LMO1: variants seen among roughly 807,000 people sequenced by gnomAD.
LMO1 encodes rhombotin-1.
A neutral mutation model predicts 18.0 loss-of-function variants in LMO1; 10 were observed. The observed-to-expected ratio is 0.55, with a 90% CI of 0.34 to 0.94. The LOEUF (loss-of-function observed/expected upper bound fraction) is 0.94. Ranked by LOEUF, LMO1 falls within the 40% of genes least tolerant of loss-of-function variation. LMO1 has a pLI of 0.02. For missense variants in LMO1, 183 were observed against 205.7 expected (o/e 0.89, Z 0.68); for synonymous variants, 77 against 77.9 (o/e 0.99, Z 0.06).
intron 1 of LMO1, among the ~76,000 whole-genome samples, chr11:8,236,378 T>C (rs1200695097): frequency 2.0e-5 from 3 of 151,576 alleles, no homozygotes; most frequent in African/African-American, 7.3e-5. Context: ...GAGGAATTTT[T>C]TTTTTTTTCA....
At chr11:8,268,399 G>C, upstream of LMO1, 12 of 1,465,974 alleles carry the variant, frequency 8.2e-6, no homozygotes, top group Non-Finnish European at 1.1e-5. Flanking sequence ...GTGCCCCCGG[G>C]CACCGGCACC....
At chr11:8,264,308 C>T (rs186872117), upstream of LMO1, among the ~76,000 whole-genome samples, 1 of 152,096 alleles carries the variant, frequency 6.6e-6, no homozygotes, top group Admixed American at 6.5e-5. Context: ...AGCGGGAGAG[C>T]TTATCTCAAC....
At chr11:8,252,571 A>G (rs1489598562) in intron 1 of LMO1, among the ~76,000 whole-genome samples, 2 of 152,254 alleles carry the variant, frequency 1.3e-5, no homozygotes, top group African/African-American at 4.8e-5. Context: ...TGATTCATAG[A>G]CAGACTTCCT....
At chr11:8,232,067 G>A (rs921779899) in intron 1 of LMO1, among the ~76,000 whole-genome samples, 10 of 152,116 alleles carry the variant, frequency 6.6e-5, no homozygotes, top group African/African-American at 2.4e-4. Context: ...TCCTGTGCTC[G>A]CTCTCAGCCC....
intron 3 of LMO1, among the ~76,000 whole-genome samples, chr11:8,226,492 G>C (rs191587834): frequency 6.6e-6 from 1 of 152,184 alleles, no homozygotes; most frequent in African/African-American, 2.4e-5. Context: ...CTGCACCCCA[G>C]CCTGGGCAAC....
chr11:8,254,325 GT>G (rs1847053724), intron 1 of LMO1, among the ~76,000 whole-genome samples: 1 of 152,148 alleles, frequency 6.6e-6, no homozygotes, highest in African/African-American at 2.4e-5. Context: ...TGAAGCCTGG[GT>G]TTTATTACAA....
At chr11:8,266,499 T>C (rs775333079), upstream of LMO1, among the ~76,000 whole-genome samples, 1 of 152,144 alleles carries the variant, frequency 6.6e-6, no homozygotes, top group Non-Finnish European at 1.5e-5. Flanking sequence ...GTGATGAGCA[T>C]GTACTCTCAC....
upstream of LMO1, among the ~76,000 whole-genome samples, chr11:8,266,893 C>T (rs930478969): frequency 5.3e-5 from 8 of 152,334 alleles, no homozygotes; most frequent in East Asian, 7.7e-4. Flanking sequence ...ATTGGGGTGA[C>T]GAGGACCCCT....
At chr11:8,249,734 A>G (rs1846956643) in intron 1 of LMO1, among the ~76,000 whole-genome samples, 1 of 152,150 alleles carries the variant, frequency 6.6e-6, no homozygotes, top group Non-Finnish European at 1.5e-5. Context: ...TCCAGTCACA[A>G]TGGCCTCTGC....
At chr11:8,240,934 T>C (rs1285199450) in intron 1 of LMO1, among the ~76,000 whole-genome samples, 1 of 152,136 alleles carries the variant, frequency 6.6e-6, no homozygotes, top group African/African-American at 2.4e-5. Context: ...GTGGGGGGAA[T>C]TTAGAAACAT....
At chr11:8,268,349 T>C, upstream of LMO1, 1 of 1,287,464 alleles carries the variant, frequency 7.8e-7, no homozygotes, top group South Asian at 1.6e-5. Flanking sequence ...CGGGGTGGAC[T>C]CCGCAGGGCC....
chr11:8,260,884 C>T (rs1026186819), intron 1 of LMO1, among the ~76,000 whole-genome samples: 4 of 151,846 alleles, frequency 2.6e-5, no homozygotes, highest in African/African-American at 7.3e-5. Context: ...TTGGGGGAGC[C>T]GGGGGGTGGG....
At chr11:8,239,123 G>C (rs989726635) in intron 1 of LMO1, among the ~76,000 whole-genome samples, 1 of 152,230 alleles carries the variant, frequency 6.6e-6, no homozygotes, top group Non-Finnish European at 1.5e-5. Context: ...GCAGGGCAGA[G>C]ATTGGAATCC....
At chr11:8,228,670 T>A (rs901702933) in intron 2 of LMO1, among the ~76,000 whole-genome samples, 2 of 147,980 alleles carry the variant, frequency 1.4e-5, no homozygotes, top group African/African-American at 2.5e-5. Context: ...AAAAAAAAAA[T>A]TACCTTCCAT....
upstream of LMO1, among the ~76,000 whole-genome samples, chr11:8,264,918 G>T (rs559446211): frequency 6.6e-6 from 1 of 152,348 alleles, no homozygotes; most frequent in Admixed American, 6.5e-5. Context: ...GGCGTGAGCT[G>T]CTGCGCCTGG....
At chr11:8,232,852 C>T (rs1411098188) in intron 1 of LMO1, among the ~76,000 whole-genome samples, 3 of 152,184 alleles carry the variant, frequency 2.0e-5, no homozygotes, top group Admixed American at 2.0e-4. Flanking sequence ...AGCAGCTGTC[C>T]CACTCTCTCT....
At chr11:8,253,646 G>A (rs1162948375) in intron 1 of LMO1, among the ~76,000 whole-genome samples, 1 of 152,120 alleles carries the variant, frequency 6.6e-6, no homozygotes, top group Non-Finnish European at 1.5e-5. Context: ...AGATCGAGGG[G>A]AGAGGACACG....
At chr11:8,257,669 C>T (rs1847120431) in intron 1 of LMO1, among the ~76,000 whole-genome samples, 1 of 152,248 alleles carries the variant, frequency 6.6e-6, no homozygotes, top group Non-Finnish European at 1.5e-5. Context: ...TCAACCTTCC[C>T]CCTATAAATG....
chr11:8,231,134 C>T (rs1952649560), intron 1 of LMO1, among the ~76,000 whole-genome samples: 1 of 152,134 alleles, frequency 6.6e-6, no homozygotes, highest in African/African-American at 2.4e-5. Flanking sequence ...CTTGGGAATG[C>T]TTCAGGCGGT....
Sources: allele counts gnomAD v4.1 joint callset (sites outside exome capture counted in the v4.1 genomes callset), GRCh38; gene constraint gnomAD v4.1.1; transcripts MANE v1.5; gene names NCBI Gene and HGNC (gene_info 2026-07-23, HGNC 2026-07-21).